The following NBEA variants were observed in gnomAD, a reference collection of about 807,000 sequenced individuals.
The protein encoded by NBEA is neurobeachin.
A neutral mutation model predicts 343.4 loss-of-function variants in NBEA; 44 were observed. The ratio of observed to expected loss-of-function variants is 0.13; its 90% confidence interval spans 0.10 to 0.16. The LOEUF is 0.16. Ranked by LOEUF, NBEA falls within the 10% of genes least tolerant of loss-of-function variation. The pLI is 1.00. For synonymous variants in NBEA, 1,175 were observed against 1,238.7 expected (o/e 0.95, Z 1.08); for missense variants, 2,555 against 3,631.3 (o/e 0.70, Z 7.62).
chr13:35,270,705 C>T (rs60049156), intron 34 of NBEA, among the ~76,000 whole-genome samples: 6,444 of 152,304 alleles, frequency 0.042, 157 homozygotes, highest in South Asian at 0.078. Flanking sequence ...GATCCCACAC[C>T]CACAGATCCT....
At chr13:35,347,801 G>A (rs927727918) in intron 36 of NBEA, among the ~76,000 whole-genome samples, 1 of 151,694 alleles carries the variant, frequency 6.6e-6, no homozygotes, top group South Asian at 2.1e-4. Flanking sequence ...GTTCTCTCTG[G>A]CTCCATGTGG....
At chr13:35,308,514 G>A (rs2480360) in intron 35 of NBEA, among the ~76,000 whole-genome samples, 3,601 of 110,996 alleles carry the variant, frequency 0.032, 204 homozygotes, top group African/African-American at 0.088. Flanking sequence ...ATATATATGT[G>A]TATATATGTA....
At chr13:35,600,517 A>C (rs2081998966) in intron 47 of NBEA, among the ~76,000 whole-genome samples, 1 of 152,214 alleles carries the variant, frequency 6.6e-6, no homozygotes, top group Non-Finnish European at 1.5e-5. Context: ...CTCTAGTCTC[A>C]GAAGTAATAT....
intron 36 of NBEA, among the ~76,000 whole-genome samples, chr13:35,335,475 A>C (rs9600528): frequency 0.014 from 2,121 of 151,732 alleles, 45 homozygotes; most frequent in African/African-American, 0.048. Flanking sequence ...CAATCCATGA[A>C]CACAGAATAT....
chr13:35,287,076 G>T (rs1310018919), intron 34 of NBEA, among the ~76,000 whole-genome samples: 1 of 151,910 alleles, frequency 6.6e-6, no homozygotes, highest in African/African-American at 2.4e-5. Flanking sequence ...TTTCCTTACT[G>T]TTAGAATATC....
chr13:35,069,645 T>A (rs1016861172), intron 8 of NBEA, among the ~76,000 whole-genome samples: 3 of 152,132 alleles, frequency 2.0e-5, no homozygotes, highest in Non-Finnish European at 4.4e-5. Context: ...TCAGGTTTGA[T>A]ATTTTTTCTA....
intron 27 of NBEA, among the ~76,000 whole-genome samples, chr13:35,176,506 T>C (rs1338082237): frequency 6.6e-6 from 1 of 152,082 alleles, no homozygotes; most frequent in Non-Finnish European, 1.5e-5. Context: ...CAATCTTTAA[T>C]GTCTTTCAGC....
Position 34,943,010 on chromosome 13 carries a change from T to G in NBEA, c.190T>G (p.Ser64Ala), listed in dbSNP as rs775510496. ...GCTCCCCGCGGGGATGATTAACCCT[T>G]CGGTGCCGATCCGCAACATCCGGAT... The part of the protein sequence containing the change: ...VMLPAGMINP[S>A]VPIRNIRMKF... Residue 64 changes from serine (S) to alanine (A), a missense_variant, in exon 1 of 59, where the codon TCG becomes GCG. Coordinates refer to ENST00000379939, the MANE Select transcript of NBEA (RefSeq NM_001385012.1). The G allele has an allele frequency of 1.1e-5, 18 of 1,612,318 alleles. No homozygotes were observed. In the South Asian group the frequency reaches 2.0e-4, roughly 18 times the overall value.
intron 31 of NBEA, among the ~76,000 whole-genome samples, chr13:35,200,277 G>C (rs992165005): frequency 6.6e-6 from 1 of 151,688 alleles, no homozygotes; most frequent in Non-Finnish European, 1.5e-5. Context: ...TTACTTTGGA[G>C]TAATGCTTTT....
At chr13:34,978,450 A>AT (rs2060251889) in intron 1 of NBEA, among the ~76,000 whole-genome samples, 2 of 152,122 alleles carry the variant, frequency 1.3e-5, no homozygotes, top group Admixed American at 6.6e-5. Flanking sequence ...CGCCATGCAT[A>AT]TTTTTTAACT....
chr13:35,188,132 ATAAC>A (rs1008259578), intron 30 of NBEA, among the ~76,000 whole-genome samples: 2 of 152,144 alleles, frequency 1.3e-5, no homozygotes, highest in Non-Finnish European at 2.9e-5. Context: ...GAGGGTAATC[ATAAC>A]TAACTTTTTT....
chr13:35,433,734 A>G (rs2045259993), intron 39 of NBEA, among the ~76,000 whole-genome samples: 1 of 152,052 alleles, frequency 6.6e-6, no homozygotes, highest in Admixed American at 6.5e-5. Context: ...TTGAATAACT[A>G]AAAATAGCAC....
Position 35,591,438 on chromosome 13 carries a change from A to T in NBEA, c.7177-1890A>T, listed in dbSNP as rs1483119339. On this transcript the variant is annotated intron_variant, in intron 46 of 58. Transcript: ENST00000379939. ...TGTCATATAATTTTTTTCTAACTTAATTTCACTAACATTTATTTATTTCTC... is the reference window on the plus strand; with the variant it reads ...TGTCATATAATTTTTTTCTAACTTATTTTCACTAACATTTATTTATTTCTC... Among the ~76,000 whole-genome samples, 3 of 152,202 alleles carry T rather than the reference A, an allele frequency of 2.0e-5. No homozygotes were observed. The East Asian group carries it at 5.8e-4, about 29-fold the overall frequency.
chr13:35,662,613 C>A (rs2085152971), intron 55 of NBEA, among the ~76,000 whole-genome samples: 1 of 152,144 alleles, frequency 6.6e-6, no homozygotes, highest in African/African-American at 2.4e-5. Flanking sequence ...CTAAAAAATA[C>A]CCCCTAATAG....
chr13:35,308,516 ATATATGTATATATATG>A (rs1566597491), intron 35 of NBEA, among the ~76,000 whole-genome samples: 10 of 123,780 alleles, frequency 8.1e-5, no homozygotes, highest in African/African-American at 2.9e-4. Flanking sequence ...ATATATGTGT[ATATATGTATATATATG>A]TATATATGTA....
chr13:35,161,648 C>A, intron 22 of NBEA, 102 bp from the exon 23 acceptor site: 1 of 979,828 alleles, frequency 1.0e-6, no homozygotes, highest in Non-Finnish European at 1.5e-6. Context: ...AAGTCATATG[C>A]TAAAGCATTA....
intron 10 of NBEA, among the ~76,000 whole-genome samples, chr13:35,084,927 A>G (rs1435811779): frequency 3.3e-5 from 5 of 152,196 alleles, no homozygotes; most frequent in Non-Finnish European, 5.9e-5. Flanking sequence ...CAGAAATACA[A>G]TCTACCATCA....
At chr13:34,993,004 G>T (rs995627281) in intron 1 of NBEA, among the ~76,000 whole-genome samples, 13 of 151,972 alleles carry the variant, frequency 8.6e-5, no homozygotes, top group Admixed American at 5.9e-4. Context: ...TTCTTAATGT[G>T]ACTTCTGAGC....
rs773958544 is a variant in NBEA at position 35,177,042 on chromosome 13, C to T, written c.4601C>T (p.Pro1534Leu). 1.4e-5 allele frequency: 23 copies of T among 1,605,378 alleles called. No homozygotes were observed. The highest frequency in any genetic ancestry group is 2.7e-5 in the African/African-American group (2 of 74,724). Reference sequence around the variant, plus strand: ...GGTAACCTTTCTCCTATTAAGGATCCGGATAGACTTCTTCAGGATGTTGAT... The same window carrying T: ...GGTAACCTTTCTCCTATTAAGGATCTGGATAGACTTCTTCAGGATGTTGAT... ...VPGNLSPIKD[P>L]DRLLQDVDIN... Residue 1534 changes from proline (P) to leucine (L), a missense_variant, in exon 28 of 59, where the codon CCG becomes CTG. By Grantham distance (98) the Pro-to-Leu change is moderately conservative. Coordinates refer to ENST00000379939, the MANE Select transcript of NBEA (RefSeq NM_001385012.1).
Sources: gnomAD v4.1 joint callset for allele counts (sites outside exome capture counted in the v4.1 genomes callset) on GRCh38, gnomAD v4.1.1 for gene constraint, MANE v1.5 for transcripts, NCBI Gene and HGNC (gene_info 2026-07-23, HGNC 2026-07-21) for gene names.